MS4A8: variants seen among roughly 807,000 people sequenced by gnomAD.
MS4A8 encodes membrane-spanning 4-domains subfamily A member 8.
In MS4A8, 27 loss-of-function variants were observed where a neutral mutation model predicts 23.7. The observed-to-expected ratio is 1.14, with a 90% confidence interval of 0.84 to 1.57. MS4A8 has a LOEUF of 1.57. MS4A8 is among the 40% of genes most tolerant of loss of function. The pLI, the probability that MS4A8 is intolerant of heterozygous loss-of-function variation, is 0.00. For missense variants in MS4A8, 301 were observed against 311.4 expected, an observed-to-expected ratio of 0.97 and a Z score of 0.25; for synonymous variants, 138 against 126.3, an observed-to-expected ratio of 1.09 and a Z score of -0.62.
At chr11:60,709,640 A>G (rs2088284819) in intron 5 of MS4A8, among the ~76,000 whole-genome samples, 1 of 152,224 alleles carries the variant, frequency 6.6e-6, no homozygotes, top group Non-Finnish European at 1.5e-5. Flanking sequence ...AGAACAGGGC[A>G]GCTACAGATG....
At chr11:60,701,127 A>T in intron 2 of MS4A8, 48 bp downstream of exon 2, 2 of 1,551,536 alleles carry the variant, frequency 1.3e-6, no homozygotes, top group South Asian at 2.3e-5. Context: ...AGCTGGAGTG[A>T]TGGCAGGGGG....
At chr11:60,706,501 C>T (rs898977411) in intron 3 of MS4A8, among the ~76,000 whole-genome samples, 1 of 152,192 alleles carries the variant, frequency 6.6e-6, no homozygotes, top group African/African-American at 2.4e-5. Context: ...GTAACCCCTT[C>T]CTTCTCCCCT....
At chr11:60,711,596 C>G (rs1210429850) in intron 5 of MS4A8, among the ~76,000 whole-genome samples, 1 of 152,122 alleles carries the variant, frequency 6.6e-6, no homozygotes. Flanking sequence ...CCGTCCACTG[C>G]GAGAGACAGG....
chr11:60,714,088 C>G (rs12226562), intron 5 of MS4A8, among the ~76,000 whole-genome samples: 1 of 148,088 alleles, frequency 6.8e-6, no homozygotes, highest in Non-Finnish European at 1.5e-5. Flanking sequence ...CCGCGCCCGG[C>G]TAATTTTTTG....
Position 60,715,129 on chromosome 11 carries a change from A to T in MS4A8, c.643A>T (p.Ser215Cys). ...CTGCCAGTTGGTCTGCTGTCAATCA[A>T]GCAATGTGAGTCCCAGGGTTCCTCA... ...FGCQLVCCQS[S>C]NVSVIYPNIY... The change falls in exon 6 of 7, where the codon AGC (serine) becomes TGC (cysteine). Residue 215 changes from serine to cysteine, a missense_variant. Ser to Cys is a moderately radical substitution (Grantham distance 112, BLOSUM62 -1). Coordinates refer to ENST00000300226, the MANE Select transcript of MS4A8 (RefSeq NM_031457.2). The T allele has an allele frequency of 6.2e-7, 1 of 1,611,730 alleles. No individual in the cohort carries two copies.
At chr11:60,707,812 C>CTTTT (rs5792195) in intron 4 of MS4A8, among the ~76,000 whole-genome samples, 236 of 55,148 alleles carry the variant, frequency 4.3e-3, no homozygotes, top group African/African-American at 4.6e-3. Flanking sequence ...TTTTCTTTTT[C>CTTTT]TTTTTTTTTT....
At chr11:60,703,795 T>A (rs1205212988) in intron 3 of MS4A8, among the ~76,000 whole-genome samples, 1 of 152,146 alleles carries the variant, frequency 6.6e-6, no homozygotes, top group African/African-American at 2.4e-5. Flanking sequence ...TCCCCTAAGG[T>A]CTCTCTCCTT....
chr11:60,702,314 T>C (rs920832047), intron 2 of MS4A8, among the ~76,000 whole-genome samples: 13 of 152,250 alleles, frequency 8.5e-5, no homozygotes, highest in African/African-American at 2.7e-4. Flanking sequence ...TACTGAACAC[T>C]GGACTGAAAA....
At chr11:60,708,863 A>G (rs1482622421) in intron 5 of MS4A8, 82 bp downstream of exon 5, 1 of 1,527,968 alleles carries the variant, frequency 6.5e-7, no homozygotes, top group African/African-American at 1.4e-5. Context: ...CTTGACAACC[A>G]AGCTACCTCA....
chr11:60,707,847 T>C (rs1344514627), intron 4 of MS4A8, among the ~76,000 whole-genome samples: 1 of 131,856 alleles, frequency 7.6e-6, no homozygotes, highest in Non-Finnish European at 1.6e-5. Context: ...TGTGTGTGTG[T>C]GAGACAGAGT....
intron 2 of MS4A8, chr11:60,701,649 A>G (rs956010445): frequency 1.0e-5 from 2 of 192,450 alleles, no homozygotes; most frequent in Non-Finnish European, 2.2e-5. Context: ...ACAAAAATTG[A>G]TACAACCCTT....
intron 3 of MS4A8, among the ~76,000 whole-genome samples, chr11:60,704,812 C>CCA (rs759471971): frequency 0.098 from 13,635 of 139,028 alleles, 664 homozygotes; most frequent in East Asian, 0.18. Flanking sequence ...GTCCCCCTGC[C>CCA]CACACACACA....
chr11:60,715,549 A>G lies in MS4A8; in HGVS notation c.*135A>G. On this transcript the variant is annotated 3_prime_UTR_variant, in exon 7 of 7. Coordinates refer to ENST00000300226, the MANE Select transcript of MS4A8 (RefSeq NM_031457.2). ...TCCCACTGTTTGTACTCTCACCTTC[A>G]TTCTTCAATTCAGTCTAGGAAACCA... 3.1e-6 allele frequency: 2 copies of G among 642,182 alleles called. No homozygotes were observed. Among genetic ancestry groups the G allele is most frequent in the South Asian group, 3.8e-5 (2 of 52,438 alleles). The allele number at this position is 642,182 out of a possible 1,614,324, so 39.8% of individuals were successfully genotyped here. A position where few individuals can be genotyped will look rare whatever the true frequency, so the allele number is the denominator to read the frequency against.
chr11:60,708,238 C>G (rs1262264489), intron 4 of MS4A8, among the ~76,000 whole-genome samples: 1 of 152,142 alleles, frequency 6.6e-6, no homozygotes, highest in African/African-American at 2.4e-5. Flanking sequence ...ATTGTTTCCT[C>G]TCTGAAAGAT....
rs974739570 is a variant in MS4A8 at position 60,701,104 on chromosome 11, C to T, written c.219+25C>T. 2.5e-6 allele frequency: 4 copies of T among 1,595,632 alleles called. No individual in the cohort carries two copies. The South Asian group carries it at 4.4e-5, about 18-fold the overall frequency. ...GGTAAGTGAGATTTCCCTTTGCAGGCCACAGACTGCACAGCTGGAGTGATG... is the reference window on the plus strand; with the variant it reads ...GGTAAGTGAGATTTCCCTTTGCAGGTCACAGACTGCACAGCTGGAGTGATG... On this transcript the variant is annotated intron_variant, in intron 2 of 6. Coordinates refer to ENST00000300226, the MANE Select transcript of MS4A8 (RefSeq NM_031457.2).
chr11:60,710,969 C>T (rs960669580), intron 5 of MS4A8, among the ~76,000 whole-genome samples: 3 of 152,210 alleles, frequency 2.0e-5, no homozygotes. Context: ...TCTGCAACCA[C>T]CTTCCCAATG....
intron 1 of MS4A8, 127 bp downstream of exon 1, chr11:60,699,902 T>G (rs1403305121): frequency 2.0e-5 from 3 of 151,942 alleles, no homozygotes; most frequent in Non-Finnish European, 4.4e-5. Context: ...CTTTATTGAG[T>G]CTGCTCCAAG....
chr11:60,711,320 T>G (rs7113073), intron 5 of MS4A8, among the ~76,000 whole-genome samples: 31,879 of 152,172 alleles, frequency 0.21, 4,394 homozygotes, highest in African/African-American at 0.39. Flanking sequence ...CCTTTTATCT[T>G]CAAGAGACTT....
chr11:60,714,654 C>T (rs1286134520), intron 5 of MS4A8, among the ~76,000 whole-genome samples: 1 of 152,062 alleles, frequency 6.6e-6, no homozygotes, highest in Non-Finnish European at 1.5e-5. Flanking sequence ...TCCCTGTTCT[C>T]TCTGTGTCTT....
Sources: allele counts gnomAD v4.1 joint callset (sites outside exome capture counted in the v4.1 genomes callset), GRCh38; gene constraint gnomAD v4.1.1; transcripts MANE v1.5; gene names NCBI Gene and HGNC (gene_info 2026-07-23, HGNC 2026-07-21).